Variants in PDE4D observed in about 807,000 individuals in gnomAD.
PDE4D encodes 3',5'-cyclic-AMP phosphodiesterase 4D.
PDE4D carries 24 observed loss-of-function variants against 87.4 expected under a neutral mutation model. The ratio of observed to expected loss-of-function variants is 0.27; its 90% confidence interval spans 0.20 to 0.39. The LOEUF is 0.39. Among genes scored for constraint, PDE4D ranks in the 10% least tolerant of loss-of-function variants. The pLI, the probability that PDE4D is intolerant of heterozygous loss-of-function variation, is 1.00. For synonymous variants in PDE4D, 384 were observed against 383.2 expected (o/e 1.00, Z -0.02); for missense variants, 714 against 1,041.0 (o/e 0.69, Z 4.32).
intron 1 of PDE4D, among the ~76,000 whole-genome samples, chr5:60,338,162 G>A (rs954201407): frequency 2.0e-5 from 3 of 152,138 alleles, no homozygotes; most frequent in Admixed American, 6.6e-5. Context: ...GATGAAAGCC[G>A]TTGACACTCA....
At chr5:60,024,796 A>C (rs1007008385) in intron 2 of PDE4D, among the ~76,000 whole-genome samples, 1 of 152,176 alleles carries the variant, frequency 6.6e-6, no homozygotes, top group Non-Finnish European at 1.5e-5. Flanking sequence ...CATCCATTGA[A>C]TATATAACAT....
intron 1 of PDE4D, among the ~76,000 whole-genome samples, chr5:59,594,692 A>T (rs1826422557): frequency 6.6e-6 from 1 of 152,140 alleles, no homozygotes; most frequent in Admixed American, 6.6e-5. Flanking sequence ...TGAAGAAAAA[A>T]TTACAATGCA....
At chr5:60,134,421 C>T (rs963506257) in intron 2 of PDE4D, among the ~76,000 whole-genome samples, 6 of 152,160 alleles carry the variant, frequency 3.9e-5, no homozygotes, top group Non-Finnish European at 8.8e-5. Flanking sequence ...AGGAGGATCG[C>T]TTGAGACTGC....
intron 1 of PDE4D, among the ~76,000 whole-genome samples, chr5:59,539,901 T>A (rs1441731917): frequency 6.6e-6 from 1 of 152,110 alleles, no homozygotes; most frequent in Non-Finnish European, 1.5e-5. Flanking sequence ...ATTGTCAAAG[T>A]CATTTTAAGA....
intron 1 of PDE4D, among the ~76,000 whole-genome samples, chr5:59,754,106 G>T (rs565691723): frequency 1.6e-4 from 25 of 152,278 alleles, no homozygotes; most frequent in South Asian, 4.1e-4. Flanking sequence ...GAGACAGGCA[G>T]ATCTCTTGAG....
At chr5:60,128,890 G>A (rs909609026) in intron 2 of PDE4D, among the ~76,000 whole-genome samples, 1 of 152,148 alleles carries the variant, frequency 6.6e-6, no homozygotes, top group Non-Finnish European at 1.5e-5. Flanking sequence ...AAATCTGAAT[G>A]GGTTAGAATA....
At chr5:59,424,268 G>C (rs1794896858) in intron 1 of PDE4D, among the ~76,000 whole-genome samples, 1 of 152,170 alleles carries the variant, frequency 6.6e-6, no homozygotes, top group Non-Finnish European at 1.5e-5. Flanking sequence ...TTTTTACCCA[G>C]AAGTAGGGAG....
rs538048027 is a variant in PDE4D, at chr5:58,975,885, T to TAAA, written c.1831-47_1831-46insTTT. On this transcript the variant is annotated intron_variant, in intron 13 of 14. Transcript: ENST00000340635. The surrounding 1 kb of genome is among the most constrained non-coding windows in gnomAD (Gnocchi z 4.2). Reference sequence around the variant, plus strand: ...CTCTATTCACTCCTGTTCCTTTTTTTTAAAAAAAAAAACAAAAAAAACTAG... The same window carrying TAAA: ...CTCTATTCACTCCTGTTCCTTTTTTTAAATAAAAAAAAAAACAAAAAAAACTAG... 1.1e-5 allele frequency: 13 copies of TAAA among 1,161,274 alleles called. No individual in the cohort carries two copies. Among genetic ancestry groups the TAAA allele is most frequent in the Non-Finnish European group, 1.2e-5 (11 of 900,100 alleles). 71.9% of individuals were successfully genotyped at this position (1,161,274 alleles called of 1,614,324 possible). A position where few individuals can be genotyped will look rare whatever the true frequency, so the allele number is the denominator to read the frequency against.
chr5:59,756,857 G>A (rs1360753102), intron 1 of PDE4D, among the ~76,000 whole-genome samples: 1 of 147,636 alleles, frequency 6.8e-6, no homozygotes, highest in African/African-American at 2.5e-5. Flanking sequence ...TTGTGCAATG[G>A]TGCAATCTCG....
At chr5:59,680,068 T>G (rs193172212) in intron 1 of PDE4D, among the ~76,000 whole-genome samples, 53 of 152,288 alleles carry the variant, frequency 3.5e-4, no homozygotes, top group Admixed American at 2.5e-3. Context: ...TATCCATTTT[T>G]AAAGTTAGGA....
At chr5:60,220,469 A>C (rs1744369593) in intron 1 of PDE4D, among the ~76,000 whole-genome samples, 1 of 152,104 alleles carries the variant, frequency 6.6e-6, no homozygotes, top group Non-Finnish European at 1.5e-5. Flanking sequence ...GAAACTACTG[A>C]TGCCTGAGTT....
intron 2 of PDE4D, among the ~76,000 whole-genome samples, chr5:59,200,173 G>T (rs111063868): frequency 3.0e-5 from 2 of 67,434 alleles, no homozygotes; most frequent in South Asian, 4.1e-4. Flanking sequence ...GTATACACGT[G>T]TATGTATATA....
chr5:59,097,714 AGAG>A (rs1434042619), intron 5 of PDE4D, among the ~76,000 whole-genome samples: 3 of 152,224 alleles, frequency 2.0e-5, no homozygotes, highest in South Asian at 2.1e-4. Flanking sequence ...TTCAAAGACA[AGAG>A]GAGAAGAGTC....
At chr5:59,976,241 A>G (rs1761319066) in intron 3 of PDE4D, among the ~76,000 whole-genome samples, 1 of 152,178 alleles carries the variant, frequency 6.6e-6, no homozygotes, top group Admixed American at 6.6e-5. Flanking sequence ...TAATATGTGT[A>G]TAAATACAGG....
chr5:59,815,346 G>C (rs1413188008), intron 1 of PDE4D, among the ~76,000 whole-genome samples: 1 of 152,226 alleles, frequency 6.6e-6, no homozygotes, highest in Non-Finnish European at 1.5e-5. Flanking sequence ...TAGAACGCAA[G>C]AGGGTGAAGT....
chr5:60,384,755 A>G (rs1439986099), intron 1 of PDE4D, among the ~76,000 whole-genome samples: 1 of 152,086 alleles, frequency 6.6e-6, no homozygotes, highest in Non-Finnish European at 1.5e-5. Context: ...CACTTCTTCT[A>G]CTACTACTCA....
At chr5:59,619,587 G>T (rs1830111167) in intron 1 of PDE4D, among the ~76,000 whole-genome samples, 1 of 152,140 alleles carries the variant, frequency 6.6e-6, no homozygotes, top group African/African-American at 2.4e-5. Flanking sequence ...CTGGAATATG[G>T]GGTAACAGCA....
intron 1 of PDE4D, among the ~76,000 whole-genome samples, chr5:60,289,043 C>T (rs995171060): frequency 3.3e-5 from 5 of 152,180 alleles, no homozygotes; most frequent in African/African-American, 7.2e-5. Flanking sequence ...GCTGTGCCCA[C>T]TAAAATCTTC....
At chr5:59,571,254 G>A (rs1463514239) in intron 1 of PDE4D, among the ~76,000 whole-genome samples, 1 of 152,222 alleles carries the variant, frequency 6.6e-6, no homozygotes, top group Admixed American at 6.5e-5. Flanking sequence ...TGATGTACTG[G>A]ACACTTCCTA....
Sources: gnomAD v4.1 joint callset for allele counts (sites outside exome capture counted in the v4.1 genomes callset) on GRCh38, gnomAD v4.1.1 for gene constraint, Gnocchi (gnomAD v3.1) non-coding constraint, MANE v1.5 for transcripts, NCBI Gene and HGNC (gene_info 2026-07-23, HGNC 2026-07-21) for gene names.